The following PRRG1 variants were observed in gnomAD, a reference collection of about 807,000 sequenced individuals.
PRRG1 encodes proline rich and Gla domain 1.
A neutral mutation model predicts 11.8 loss-of-function variants in PRRG1; 5 were observed. The ratio of observed to expected loss-of-function variants is 0.42; its 90% CI spans 0.22 to 0.89. PRRG1 has a LOEUF of 0.89. Among genes scored for constraint, PRRG1 ranks in the 40% least tolerant of loss-of-function variants. The pLI is 0.28. For synonymous variants in PRRG1, 66 were observed against 60.4 expected (o/e 1.09, Z -0.43); for missense variants, 155 against 166.1 (o/e 0.93, Z 0.37).
At chrX:37,401,642 A>G (rs1255938998) in intron 1 of PRRG1, among the ~76,000 whole-genome samples, 3 of 111,229 alleles carry the variant, frequency 2.7e-5, no homozygotes, top group African/African-American at 9.8e-5. Context: ...CAGTGCAATT[A>G]GGCAGGAGAA....
intron 1 of PRRG1, among the ~76,000 whole-genome samples, chrX:37,373,946 T>G (rs1412430588): frequency 9.0e-6 from 1 of 111,679 alleles, no homozygotes; most frequent in Non-Finnish European, 1.9e-5. Flanking sequence ...TAAGATACAT[T>G]CTTCTGTACC....
chrX:37,447,193 C>T, intron 3 of PRRG1, among the ~76,000 whole-genome samples: 1 of 111,852 alleles, frequency 8.9e-6, no homozygotes, highest in East Asian at 2.8e-4. Flanking sequence ...ATTTTATTTA[C>T]AATAATGGTG....
chrX:37,450,119 G>A (rs782819368), intron 3 of PRRG1, among the ~76,000 whole-genome samples: 8 of 112,348 alleles, frequency 7.1e-5, no homozygotes, highest in Non-Finnish European at 1.1e-4. Context: ...CATTGAAAAT[G>A]ATGGAAGATT....
At chrX:37,358,324 G>C (rs184849693) in intron 1 of PRRG1, among the ~76,000 whole-genome samples, 85 of 111,319 alleles carry the variant, frequency 7.6e-4, no homozygotes, top group African/African-American at 2.8e-3. Context: ...TACCATATTA[G>C]AGGTCATGTA....
intron 1 of PRRG1, among the ~76,000 whole-genome samples, chrX:37,387,592 AACTC>A (rs1931369522): frequency 9.0e-6 from 1 of 110,972 alleles, no homozygotes; most frequent in Admixed American, 9.5e-5. Context: ...ATCTCGGGAG[AACTC>A]ACTATCACAA....
At chrX:37,414,614 G>C (rs782547177) in intron 2 of PRRG1, among the ~76,000 whole-genome samples, 76 of 112,887 alleles carry the variant, frequency 6.7e-4, no homozygotes, top group Non-Finnish European at 1.0e-3. Flanking sequence ...CCTTCAGACA[G>C]AACAACTGTA....
intron 1 of PRRG1, among the ~76,000 whole-genome samples, chrX:37,400,800 A>G (rs1333212744): frequency 6.3e-5 from 7 of 111,767 alleles, no homozygotes; most frequent in Non-Finnish European, 1.3e-4. Context: ...GATAAAGGGA[A>G]TATCACCACC....
At chrX:37,405,846 TG>T (rs2146581859) in intron 1 of PRRG1, among the ~76,000 whole-genome samples, 1 of 112,000 alleles carries the variant, frequency 8.9e-6, no homozygotes, top group South Asian at 3.7e-4. Context: ...CTTGCTGGCC[TG>T]GTTATTAGCA....
At chrX:37,430,062 A>G (rs1466261018) in intron 3 of PRRG1, among the ~76,000 whole-genome samples, 3 of 112,038 alleles carry the variant, frequency 2.7e-5, no homozygotes, top group Non-Finnish European at 5.6e-5. Context: ...GGGATATACA[A>G]TTCAAGATTT....
intron 1 of PRRG1, among the ~76,000 whole-genome samples, chrX:37,350,579 T>C (rs1417859684): frequency 8.9e-6 from 1 of 111,830 alleles, no homozygotes; most frequent in Non-Finnish European, 1.9e-5. Flanking sequence ...TATTGTAATA[T>C]TGGATAAAGC....
intron 2 of PRRG1, among the ~76,000 whole-genome samples, chrX:37,415,431 G>A (rs1243852320): frequency 1.8e-5 from 2 of 111,339 alleles, no homozygotes; most frequent in East Asian, 2.8e-4. Flanking sequence ...AAATAAAAAT[G>A]TGCTGATTTC....
chrX:37,358,336 A>G lies in PRRG1; in HGVS notation c.-42+8941A>G, dbSNP rs189698080. ...CATTACCATATTAGAGGTCATGTAGATTTTTTCCTATGTTCTAGGAGTTTT... is the reference window on the plus strand; with the variant it reads ...CATTACCATATTAGAGGTCATGTAGGTTTTTTCCTATGTTCTAGGAGTTTT... On this transcript the variant is annotated intron_variant, in intron 1 of 3. Transcript: ENST00000378628. 6.3e-4 allele frequency among the ~76,000 whole-genome samples: 70 copies of G among 111,061 alleles called. 1 individual carries two copies. Among genetic ancestry groups the G allele is most frequent in the African/African-American group, 2.3e-3 (70 of 30,617 alleles).
chrX:37,434,538 G>C (rs934246565), intron 3 of PRRG1, among the ~76,000 whole-genome samples: 1 of 111,800 alleles, frequency 8.9e-6, no homozygotes, highest in African/African-American at 3.2e-5. Context: ...TCTGCTTTGA[G>C]AATCAGATGG....
intron 1 of PRRG1, among the ~76,000 whole-genome samples, chrX:37,367,249 A>G (rs1465531123): frequency 7.1e-5 from 8 of 112,503 alleles, no homozygotes; most frequent in African/African-American, 2.3e-4. Context: ...TAATATAGGC[A>G]TTTAAGGCAT....
chrX:37,375,457 G>A (rs1601978808), intron 1 of PRRG1, among the ~76,000 whole-genome samples: 1 of 111,555 alleles, frequency 9.0e-6, no homozygotes, highest in African/African-American at 3.3e-5. Context: ...GGGAAAAAAA[G>A]CAATAAAGAA....
chrX:37,416,906 T>G (rs1409373863), intron 2 of PRRG1, among the ~76,000 whole-genome samples: 1 of 111,910 alleles, frequency 8.9e-6, no homozygotes, highest in Non-Finnish European at 1.9e-5. Flanking sequence ...CTCTATGTCC[T>G]TTTTCCTTAC....
chrX:37,382,662 A>G (rs1931188609), intron 1 of PRRG1, among the ~76,000 whole-genome samples: 2 of 110,948 alleles, frequency 1.8e-5, no homozygotes, highest in South Asian at 7.6e-4. Context: ...AACATAGAAT[A>G]CAAACTGGAA....
intron 1 of PRRG1, among the ~76,000 whole-genome samples, chrX:37,368,701 G>GTT (rs373499744): frequency 0.022 from 2,368 of 108,185 alleles, 66 homozygotes; most frequent in African/African-American, 0.075. Context: ...CCTAAGATCT[G>GTT]TTTTTTTTTA....
At chrX:37,373,008 G>T (rs782513462) in intron 1 of PRRG1, among the ~76,000 whole-genome samples, 86 of 111,912 alleles carry the variant, frequency 7.7e-4, no homozygotes, top group Middle Eastern at 4.7e-3. Flanking sequence ...TCACTCTTTT[G>T]CATGTGGATA....
Sources: gnomAD v4.1 joint callset for allele counts (sites outside exome capture counted in the v4.1 genomes callset) on GRCh38, gnomAD v4.1.1 for gene constraint, MANE v1.5 for transcripts, NCBI Gene and HGNC (gene_info 2026-07-23, HGNC 2026-07-21) for gene names.